GLIS3: variants seen among roughly 807,000 people sequenced by gnomAD.
The protein encoded by GLIS3 is zinc finger protein GLIS3.
Under a neutral mutation model 78.6 loss-of-function variants are expected in GLIS3, and 53 were observed. That is an observed-to-expected ratio of 0.67 (90% CI 0.54 to 0.85). GLIS3 has a LOEUF of 0.85. Ranked by LOEUF, GLIS3 falls within the 40% of genes least tolerant of loss-of-function variation. The pLI, the probability that GLIS3 is intolerant of heterozygous loss-of-function variation, is 0.00. For synonymous variants in GLIS3, 684 were observed against 509.9 expected (o/e 1.34, Z -4.60); for missense variants, 1,703 against 1,231.1 (o/e 1.38, Z -5.74).
At position 3,827,628 on chromosome 9, in the gene GLIS3, A is replaced by T. The variant is rs1416355721; in HGVS notation, c.*644T>A. The stretch of plus-strand genomic sequence containing the variant: ...TTACATTTTTTTTTCATTTTAAAAT[A>T]CGTATAAATAACTAAGTCTTTAAAA... On this transcript the variant is annotated 3_prime_UTR_variant, in exon 11 of 11. Transcript: ENST00000381971. The T allele has an allele frequency of 1.3e-5, 2 of 154,178 alleles. No homozygotes were observed. Among genetic ancestry groups the T allele is most frequent in the Non-Finnish European group, 2.9e-5 (2 of 69,376 alleles). The allele number at this position is 154,178 out of a possible 1,614,324, so 9.6% of individuals were successfully genotyped here.
intron 1 of GLIS3, among the ~76,000 whole-genome samples, chr9:4,294,099 T>C (rs768257790): frequency 1.3e-5 from 2 of 152,228 alleles, no homozygotes; most frequent in Non-Finnish European, 2.9e-5. Flanking sequence ...ATCCTACTTA[T>C]CCTCTAAGCC....
At chr9:4,174,983 G>C (rs1394782513) in intron 2 of GLIS3, among the ~76,000 whole-genome samples, 1 of 152,216 alleles carries the variant, frequency 6.6e-6, no homozygotes. Flanking sequence ...AGGGTGCAAA[G>C]GGAAGGGATC....
At chr9:3,874,550 C>G (rs1299169543) in intron 8 of GLIS3, among the ~76,000 whole-genome samples, 1 of 152,184 alleles carries the variant, frequency 6.6e-6, no homozygotes, top group Non-Finnish European at 1.5e-5. Flanking sequence ...GATGTACAGG[C>G]AAAATCACCC....
the GLIS3 span, among the ~76,000 whole-genome samples, chr9:4,442,179 T>C: frequency 6.6e-6 from 1 of 152,210 alleles, no homozygotes; most frequent in Non-Finnish European, 1.5e-5. Context: ...TCAGTATTGG[T>C]AGGTTACATG....
intron 2 of GLIS3, among the ~76,000 whole-genome samples, chr9:4,207,446 T>C (rs1376452226): frequency 6.6e-6 from 1 of 152,228 alleles, no homozygotes; most frequent in Non-Finnish European, 1.5e-5. Flanking sequence ...TTTTTTTCAT[T>C]ATGCCTTTAC....
At chr9:4,295,008 T>G (rs1288268928) in intron 1 of GLIS3, among the ~76,000 whole-genome samples, 1 of 152,228 alleles carries the variant, frequency 6.6e-6, no homozygotes, top group Non-Finnish European at 1.5e-5. Flanking sequence ...TAATTACAGT[T>G]GCATGTTTCC....
At position 4,286,522 on chromosome 9, in the gene GLIS3, G is replaced by T; in HGVS notation, c.-97C>A. The T allele has an allele frequency of 6.9e-7, 1 of 1,445,000 alleles. No individual in the cohort carries two copies. Among genetic ancestry groups the T allele is most frequent in the Non-Finnish European group, 9.6e-7 (1 of 1,045,816 alleles). The allele number at this position is 1,445,000 out of a possible 1,614,324, so 89.5% of individuals were successfully genotyped here. ...AAGTTATCCATGGTGTGGGTTATAA[G>T]CCTGTTTAAAAAAATAAACGCAGGC... On this transcript the variant is annotated splice_region_variant and 5_prime_UTR_variant, in exon 2 of 11. Transcript: ENST00000381971.
intron 2 of GLIS3, among the ~76,000 whole-genome samples, chr9:4,276,906 T>C (rs543339563): frequency 4.5e-4 from 68 of 152,348 alleles, no homozygotes; most frequent in Non-Finnish European, 8.1e-4. Flanking sequence ...GAATAATGTC[T>C]TTGGTCTCTG....
At chr9:3,897,354 T>G (rs1822924756) in intron 7 of GLIS3, among the ~76,000 whole-genome samples, 1 of 152,076 alleles carries the variant, frequency 6.6e-6, no homozygotes, top group South Asian at 2.1e-4. Flanking sequence ...GTTTGCTAAT[T>G]TAATGTGCTG....
chr9:3,924,240 C>T (rs1825077146), intron 6 of GLIS3, among the ~76,000 whole-genome samples: 1 of 152,152 alleles, frequency 6.6e-6, no homozygotes, highest in African/African-American at 2.4e-5. Flanking sequence ...GAAAATATTT[C>T]CAAGGATATT....
At chr9:4,193,155 G>C (rs1039038232) in intron 2 of GLIS3, among the ~76,000 whole-genome samples, 1 of 152,224 alleles carries the variant, frequency 6.6e-6, no homozygotes, top group African/African-American at 2.4e-5. Flanking sequence ...GTAGAACTTG[G>C]TCAGCAAAAC....
At chr9:4,399,329 C>G in the GLIS3 span, among the ~76,000 whole-genome samples, 2 of 152,202 alleles carry the variant, frequency 1.3e-5, no homozygotes, top group African/African-American at 4.8e-5. Flanking sequence ...AAAACTGCCT[C>G]TTCTGAGTAT....
At chr9:3,988,766 A>G (rs1342019482) in intron 4 of GLIS3, among the ~76,000 whole-genome samples, 1 of 152,174 alleles carries the variant, frequency 6.6e-6, no homozygotes, top group African/African-American at 2.4e-5. Flanking sequence ...TGAACTCTAA[A>G]TGGAATATAG....
rs2130917076 is a variant in GLIS3, at chr9:3,969,930, T to A, written c.1711-32741A>T. Among the ~76,000 whole-genome samples, 4 of 152,360 alleles carry A rather than the reference T, an allele frequency of 2.6e-5. 1 individual carries two copies. The highest frequency in any genetic ancestry group is 2.6e-4 in the Admixed American group (4 of 15,300). ...TAGATCAATTCTGTTATTTCCTGTT[T>A]CAGGGGCAAATCTTGCAACTTGGTG... On this transcript the variant is annotated intron_variant, in intron 4 of 10. Transcript: ENST00000381971.
At chr9:4,104,919 C>G (rs763937930) in intron 4 of GLIS3, among the ~76,000 whole-genome samples, 3 of 152,126 alleles carry the variant, frequency 2.0e-5, no homozygotes, top group Non-Finnish European at 4.4e-5. Flanking sequence ...AATAAATAGT[C>G]AAATGAGTGA....
chr9:4,457,912 G>C, the GLIS3 span, among the ~76,000 whole-genome samples: 1 of 151,400 alleles, frequency 6.6e-6, no homozygotes, highest in Non-Finnish European at 1.5e-5. Flanking sequence ...CAAGACCTAA[G>C]TTCTGACCTT....
the GLIS3 span, among the ~76,000 whole-genome samples, chr9:4,462,638 C>CACACACACA: frequency 7.1e-6 from 1 of 140,828 alleles, no homozygotes; most frequent in African/African-American, 2.8e-5. Context: ...CACACAGACA[C>CACACACACA]GCACACACAC....
At chr9:4,391,798 G>C in the GLIS3 span, among the ~76,000 whole-genome samples, 5 of 152,076 alleles carry the variant, frequency 3.3e-5, no homozygotes, top group African/African-American at 1.2e-4. Context: ...CATATTTTTG[G>C]GGAGGAATGT....
the GLIS3 span, among the ~76,000 whole-genome samples, chr9:4,388,359 C>G: frequency 6.6e-6 from 1 of 151,982 alleles, no homozygotes; most frequent in South Asian, 2.1e-4. Context: ...CCATGGTTAG[C>G]TTTACCTCCA....
Sources: gnomAD v4.1 joint callset for allele counts (sites outside exome capture counted in the v4.1 genomes callset) on GRCh38, gnomAD v4.1.1 for gene constraint, MANE v1.5 for transcripts, NCBI Gene and HGNC (gene_info 2026-07-23, HGNC 2026-07-21) for gene names.